CMYA5: variants seen among roughly 807,000 people sequenced by gnomAD.
CMYA5 encodes the protein cardiomyopathy associated 5.
In CMYA5, 246 loss-of-function variants were observed where a neutral mutation model predicts 318.9. The ratio of observed to expected loss-of-function variants is 0.77; its 90% confidence interval spans 0.70 to 0.86. The LOEUF (loss-of-function observed/expected upper bound fraction) is 0.86. CMYA5 is among the 40% of genes least tolerant of loss of function. CMYA5 has a pLI of 0.00. For missense variants in CMYA5, 4,589 were observed against 4,678.2 expected (o/e 0.98, Z 0.56); for synonymous variants, 1,641 against 1,729.5 (o/e 0.95, Z 1.27).
intron 9 of CMYA5, among the ~76,000 whole-genome samples, chr5:79,772,915 A>G (rs1486109925): frequency 6.6e-6 from 1 of 152,224 alleles, no homozygotes; most frequent in Non-Finnish European, 1.5e-5. Context: ...AATCTCTAAG[A>G]TGTCAGTTGT....
Position 79,733,823 on chromosome 5 carries a change from A to T in CMYA5, c.5058A>T (p.Arg1686Ser). The T allele has an allele frequency of 6.2e-7, 1 of 1,613,724 alleles. No homozygotes were observed. The highest frequency in any genetic ancestry group is 2.2e-5 in the East Asian group (1 of 44,870). ...GCAGAGAAGGAAAAGAAGAAAATAG[A>T]GAGCTTTGTGCATCTTCTACGATGC... is the stretch of plus-strand genomic sequence containing the variant. ...LRSREGKEEN[R>S]ELCASSTMPA... The change falls in exon 2 of 13, where the codon AGA (arginine) becomes AGT (serine). Residue 1686 changes from arginine to serine, a missense_variant. By Grantham distance (110) the Arg-to-Ser change is moderately radical (BLOSUM62 -1). This residue lies in a region of CMYA5 where 2,132 missense variants were observed against 2,131.3 expected (regional missense o/e 1.00). Transcript: ENST00000446378.
chr5:79,797,829 ACTT>A (rs1351563165), intron 12 of CMYA5, among the ~76,000 whole-genome samples: 1 of 152,054 alleles, frequency 6.6e-6, no homozygotes, highest in African/African-American at 2.4e-5. Context: ...CCACATACGG[ACTT>A]CTTCAGCCAC....
At chr5:79,727,743 A>T (rs1827776814) in intron 1 of CMYA5, among the ~76,000 whole-genome samples, 1 of 152,164 alleles carries the variant, frequency 6.6e-6, no homozygotes, top group Non-Finnish European at 1.5e-5. Context: ...TAAATGGAGG[A>T]ACAGCGTAAG....
At chr5:79,726,227 T>C (rs1429140043) in intron 1 of CMYA5, among the ~76,000 whole-genome samples, 4 of 152,226 alleles carry the variant, frequency 2.6e-5, no homozygotes, top group Non-Finnish European at 5.9e-5. Flanking sequence ...GAATTTACAA[T>C]CAATAGTTAA....
intron 9 of CMYA5, among the ~76,000 whole-genome samples, chr5:79,785,941 A>G (rs1307522527): frequency 1.3e-5 from 2 of 152,204 alleles, no homozygotes; most frequent in East Asian, 1.9e-4. Flanking sequence ...AAAAGGGCCC[A>G]AGCTAGAGAG....
intron 8 of CMYA5, chr5:79,762,521 ACC>A (rs1406185062): frequency 6.5e-6 from 1 of 153,598 alleles, no homozygotes; most frequent in Non-Finnish European, 1.4e-5. Context: ...GGTGCTGGGA[ACC>A]CCCAAAAGGT....
chr5:79,785,527 A>C (rs989712387), intron 9 of CMYA5, among the ~76,000 whole-genome samples: 25 of 151,776 alleles, frequency 1.6e-4, no homozygotes, highest in Admixed American at 4.6e-4. Context: ...ATATATTTTT[A>C]TGTCTGTCAC....
intron 2 of CMYA5, 33 bp from the exon 3 acceptor site, chr5:79,743,794 A>G: frequency 1.7e-6 from 2 of 1,178,428 alleles, no homozygotes; most frequent in South Asian, 1.4e-5. Flanking sequence ...CCTAAATGTC[A>G]TATACTAAGG....
chr5:79,773,001 C>T (rs1177217772), intron 9 of CMYA5, among the ~76,000 whole-genome samples: 2 of 152,194 alleles, frequency 1.3e-5, no homozygotes, highest in Non-Finnish European at 2.9e-5. Flanking sequence ...TAAATACAAA[C>T]AATTCCTCCT....
At chr5:79,720,903 A>C (rs1024189425) in intron 1 of CMYA5, among the ~76,000 whole-genome samples, 45 of 152,332 alleles carry the variant, frequency 3.0e-4, no homozygotes, top group African/African-American at 1.1e-3. Flanking sequence ...TACAGGAAGG[A>C]ATGAAGCACA....
chr5:79,767,716 C>T (rs1828780720), intron 9 of CMYA5, among the ~76,000 whole-genome samples: 1 of 152,266 alleles, frequency 6.6e-6, no homozygotes, highest in Admixed American at 6.5e-5. Flanking sequence ...GAGTGTTTTA[C>T]TTCCAATTAT....
chr5:79,699,621 G>T (rs1295803943), intron 1 of CMYA5, among the ~76,000 whole-genome samples: 1 of 152,196 alleles, frequency 6.6e-6, no homozygotes, highest in East Asian at 1.9e-4. Context: ...GGGTGATATA[G>T]TTGTGCCTCA....
chr5:79,736,360 G>C lies in CMYA5; in HGVS notation c.7595G>C (p.Gly2532Ala), dbSNP rs756933248. The C allele has an allele frequency of 1.2e-6, 2 of 1,613,376 alleles. No individual in the cohort carries two copies. The highest frequency in any genetic ancestry group is 2.7e-5 in the African/African-American group (2 of 75,006). The change falls in exon 2 of 13, where the codon GGT becomes GCT. Residue 2532 changes from glycine (G) to alanine (A), a missense_variant. Gly to Ala is a moderately conservative substitution (Grantham distance 60). Transcript: ENST00000446378. ...AATGAAAGACCCAAAATCATTGTTG[G>C]TTCTGAAAAGGAGAAAGGTGAAGAA... ...DYNERPKIIVGSEKEKGEEKE... is the reference protein window; with the variant it reads ...DYNERPKIIVASEKEKGEEKE...
chr5:79,705,418 ATT>A (rs201773583), intron 1 of CMYA5, among the ~76,000 whole-genome samples: 3,470 of 148,608 alleles, frequency 0.023, 118 homozygotes, highest in African/African-American at 0.074. Flanking sequence ...TAGATATAGT[ATT>A]TTTTTTTTTT....
intron 5 of CMYA5, among the ~76,000 whole-genome samples, chr5:79,751,827 G>A (rs1828435534): frequency 6.6e-6 from 1 of 152,194 alleles, no homozygotes. Context: ...GGGCAGGCAA[G>A]GCTGTATTAG....
At chr5:79,751,913 G>A (rs1286998042) in intron 5 of CMYA5, among the ~76,000 whole-genome samples, 1 of 152,166 alleles carries the variant, frequency 6.6e-6, no homozygotes, top group African/African-American at 2.4e-5. Flanking sequence ...CAAGTGTCTG[G>A]GAGAACAAAG....
chr5:79,737,666 G>A lies in CMYA5; in HGVS notation c.8901G>A (p.Gln2967=). ...CGGCCTTTATTTCTTCAATCGATCA[G>A]GAAGAAAGTGAACAAATGCAAGATA... is the stretch of plus-strand genomic sequence containing the variant. The part of the protein sequence containing the change: ...HAPAFISSID[Q]EESEQMQDKL... Residue 2967 remains glutamine (Q), a synonymous_variant, in exon 2 of 13, where the codon CAG becomes CAA. Coordinates refer to ENST00000446378, the MANE Select transcript of CMYA5 (RefSeq NM_153610.5). 1 of 1,613,142 alleles carries A rather than the reference G, an allele frequency of 6.2e-7. No individual in the cohort carries two copies. Among genetic ancestry groups the A allele is most frequent in the Non-Finnish European group, 8.5e-7 (1 of 1,179,638 alleles).
At chr5:79,755,853 T>TCTTC (rs1828518256) in intron 6 of CMYA5, among the ~76,000 whole-genome samples, 1 of 152,238 alleles carries the variant, frequency 6.6e-6, no homozygotes, top group African/African-American at 2.4e-5. Context: ...ATACTTTGCT[T>TCTTC]CTTCCTTGAA....
chr5:79,751,113 C>G lies in CMYA5; in HGVS notation c.10992-1563C>G, dbSNP rs115754532. On this transcript the variant is annotated intron_variant, in intron 5 of 12. Coordinates refer to ENST00000446378, the MANE Select transcript of CMYA5 (RefSeq NM_153610.5). ...CCTCAGACCTCCCTCCTCTGCTTAC[C>G]CTGATCCTTCCTTAGACACTTGCCA... is the stretch of plus-strand genomic sequence containing the variant. 4.3e-3 allele frequency among the ~76,000 whole-genome samples: 658 copies of G among 152,240 alleles called. 6 individuals carry two copies. Among genetic ancestry groups the G allele is most frequent in the Non-Finnish European group, 7.1e-3 (486 of 68,022 alleles).
Sources: allele counts gnomAD v4.1 joint callset (sites outside exome capture counted in the v4.1 genomes callset), GRCh38; gene constraint gnomAD v4.1.1; regional missense constraint gnomAD v4.1.1; transcripts MANE v1.5; gene names NCBI Gene and HGNC (gene_info 2026-07-23, HGNC 2026-07-21).